The following FAM216A variants were observed in gnomAD, a reference collection of about 807,000 sequenced individuals.
FAM216A encodes the protein family with sequence similarity 216 member A.
FAM216A carries 26 observed loss-of-function variants against 37.6 expected under a neutral mutation model. That is an observed-to-expected ratio of 0.69 (90% CI 0.51 to 0.96). The LOEUF (loss-of-function observed/expected upper bound fraction) is 0.96, where lower values mean the gene tolerates loss of function less well. Ranked by LOEUF, FAM216A falls within the 40% of genes least tolerant of loss-of-function variation. FAM216A has a pLI of 0.00. For synonymous variants in FAM216A, 110 were observed against 121.7 expected (o/e 0.90, Z 0.64); for missense variants, 326 against 339.3 (o/e 0.96, Z 0.31).
At chr12:110,474,565 G>T (rs574707603) in intron 2 of FAM216A, among the ~76,000 whole-genome samples, 1 of 150,502 alleles carries the variant, frequency 6.6e-6, no homozygotes, top group Admixed American at 6.7e-5. Flanking sequence ...GGTGGTGCAC[G>T]TCCGTAGTCC....
rs149717849 is a variant in FAM216A at position 110,486,242 on chromosome 12, G to A, written c.307-83G>A. 906 of 1,389,710 alleles carry A rather than the reference G, an allele frequency of 6.5e-4. 8 individuals carry two copies. In the East Asian group the frequency reaches 9.4e-3, roughly 14 times the overall value. The allele number at this position is 1,389,710 out of a possible 1,614,324, so 86.1% of individuals were successfully genotyped here. ...AAAATACAGTTGGCACAACTCTCTT[G>A]AACATTCATCTCTTCAGATAAGGAA... On this transcript the variant is annotated intron_variant, in intron 3 of 6. Coordinates refer to ENST00000377673, the MANE Select transcript of FAM216A (RefSeq NM_013300.3).
intron 1 of FAM216A, among the ~76,000 whole-genome samples, chr12:110,471,143 G>A (rs2062685054): frequency 1.3e-5 from 2 of 151,930 alleles, no homozygotes; most frequent in East Asian, 1.9e-4. Context: ...CACCCAGGCT[G>A]GAGTGCAGTG....
In FAM216A at chr12:110,490,016, C is replaced by G; in HGVS notation, c.704-3C>G. The G allele has an allele frequency of 8.0e-7, 1 of 1,252,092 alleles. No homozygotes were observed. The highest frequency in any genetic ancestry group is 1.2e-5 in the South Asian group (1 of 82,942). The allele number at this position is 1,252,092 out of a possible 1,614,324, so 77.6% of individuals were successfully genotyped here. A position where few individuals can be genotyped will look rare whatever the true frequency, so the allele number is the denominator to read the frequency against. ...CAATTGTAAATTCTTATTTTTCCTT[C>G]AGTTTCTTCAGATGATTCTGAATCA... On this transcript the variant is annotated splice_region_variant and splice_polypyrimidine_tract_variant and intron_variant, in intron 6 of 6. Coordinates refer to ENST00000377673, the MANE Select transcript of FAM216A (RefSeq NM_013300.3).
In FAM216A at chr12:110,487,955, A is replaced by C; in HGVS notation, c.703+12A>C. The C allele has an allele frequency of 6.8e-7, 1 of 1,480,516 alleles. No homozygotes were observed. The highest frequency in any genetic ancestry group is 2.3e-5 in the East Asian group (1 of 44,160). The allele number at this position is 1,480,516 out of a possible 1,614,324, so 91.7% of individuals were successfully genotyped here. ...GTTCATGCAAACAGGTAAATGTGGA[A>C]ATTTAACAATATTCATTTTTTAAGA... On this transcript the variant is annotated intron_variant, in intron 6 of 6. Coordinates refer to ENST00000377673, the MANE Select transcript of FAM216A (RefSeq NM_013300.3).
intron 5 of FAM216A, 160 bp downstream of exon 5, chr12:110,486,877 T>C (rs2062779943): frequency 1.6e-6 from 1 of 643,958 alleles, no homozygotes; most frequent in South Asian, 2.1e-5. Flanking sequence ...TGCCTCAGAC[T>C]CCCAAGTAGC....
chr12:110,487,011 G>GT (rs1195363957), intron 5 of FAM216A: 1 of 306,030 alleles, frequency 3.3e-6, no homozygotes, highest in African/African-American at 2.2e-5. Flanking sequence ...GATTACAGGC[G>GT]TGAGCTACTG....
At chr12:110,470,759 T>C (rs1352563781) in intron 1 of FAM216A, among the ~76,000 whole-genome samples, 5 of 152,098 alleles carry the variant, frequency 3.3e-5, no homozygotes, top group African/African-American at 1.2e-4. Flanking sequence ...GTCCTTTCCT[T>C]TTATCTCCGC....
chr12:110,486,885 AGC>A lies in FAM216A; in HGVS notation c.620+169_620+170del, dbSNP rs1176749768. On this transcript the variant is annotated intron_variant, in intron 5 of 6. Transcript: ENST00000377673. ...ATGCTCCTGCCTCAGACTCCCAAGTAGCTAGGGCTAAAGGCACAAACCACCAT... is the reference window on the plus strand; with the variant it reads ...ATGCTCCTGCCTCAGACTCCCAAGTATAGGGCTAAAGGCACAAACCACCAT... 14 of 620,200 alleles carry A rather than the reference AGC, an allele frequency of 2.3e-5. No homozygotes were observed. The African/African-American group carries it at 2.6e-4, about 12-fold the overall frequency. 38.4% of individuals were successfully genotyped at this position (620,200 alleles called of 1,614,324 possible).
rs541934479 is a variant in FAM216A at position 110,481,528 on chromosome 12, G to GT, written c.185-3535dup. Among the ~76,000 whole-genome samples the GT allele has an allele frequency of 4.2e-3, 585 of 138,780 alleles. 1 individual carries two copies. Among genetic ancestry groups the GT allele is most frequent in the African/African-American group, 4.9e-3 (186 of 38,152 alleles). 91.0% of individuals were successfully genotyped at this position (138,780 alleles called of 152,430 possible). On this transcript the variant is annotated intron_variant, in intron 2 of 6. Transcript: ENST00000377673. ...CCTGGCTAAGTATTTTGTGTGTGTG[G>GT]TTTTTTTTTTTTTTTAGTAGAGACG...
intron 2 of FAM216A, among the ~76,000 whole-genome samples, chr12:110,481,601 G>A (rs553924175): frequency 1.3e-4 from 19 of 151,740 alleles, no homozygotes; most frequent in African/African-American, 4.1e-4. Flanking sequence ...AACCTCAGGT[G>A]ATCTGCCTGC....
intron 1 of FAM216A, among the ~76,000 whole-genome samples, chr12:110,470,443 T>C (rs2062678589): frequency 6.6e-6 from 1 of 151,486 alleles, no homozygotes; most frequent in African/African-American, 2.4e-5. Flanking sequence ...CTTGGCCGAC[T>C]GCAGGATCCT....
intron 6 of FAM216A, 92 bp downstream of exon 6, chr12:110,488,035 T>C (rs2062786644): frequency 1.3e-6 from 1 of 746,374 alleles, no homozygotes; most frequent in Non-Finnish European, 2.2e-6. Flanking sequence ...TATGAAGATA[T>C]TAACAAATTT....
At chr12:110,478,147 A>T (rs1033225349) in intron 2 of FAM216A, among the ~76,000 whole-genome samples, 2 of 152,216 alleles carry the variant, frequency 1.3e-5, no homozygotes, top group African/African-American at 4.8e-5. Context: ...ACCATTGAAT[A>T]GGTTAAATAC....
intron 5 of FAM216A, 108 bp downstream of exon 5, chr12:110,486,825 A>G: frequency 6.1e-6 from 6 of 985,940 alleles, no homozygotes; most frequent in Non-Finnish European, 8.9e-6. Flanking sequence ...GGTGTGATAC[A>G]GTTTACTGTA....
Position 110,487,899 on chromosome 12 carries a change from C to A in FAM216A, c.659C>A (p.Ser220Ter). 1 of 1,607,034 alleles carries A rather than the reference C, an allele frequency of 6.2e-7. No homozygotes were observed. The highest frequency in any genetic ancestry group is 1.1e-5 in the South Asian group (1 of 90,390). ...TATGCATCTAAAACAAGATGTAAGT[C>A]ACTGAAGATTTTTAGAAGACCAAGG... The part of the protein sequence containing the change: ...TGYASKTRCK[S>*]LKIFRRPRKL... Residue 220 changes from serine (S) to a stop codon, truncating the protein, a stop_gained, in exon 6 of 7, where the codon TCA (serine) becomes TAA (stop). Transcript: ENST00000377673. LOFTEE classifies it high-confidence loss of function.
In FAM216A at chr12:110,483,854, T is replaced by C. The variant is rs1426129218; in HGVS notation, c.185-1224T>C. On this transcript the variant is annotated intron_variant, in intron 2 of 6. Transcript: ENST00000377673. The stretch of plus-strand genomic sequence containing the variant: ...AATCAACAACAAAAAATGAAATAAC[T>C]GAAACTATGTAAAAATAAATTTTGA... Among the ~76,000 whole-genome samples the C allele has an allele frequency of 1.3e-4, 20 of 152,096 alleles. No homozygotes were observed. The South Asian group carries it at 4.2e-3, about 32-fold the overall frequency.
intron 3 of FAM216A, 93 bp downstream of exon 3, chr12:110,485,292 TGCAGATGACAAG>T: frequency 8.8e-7 from 1 of 1,131,098 alleles, no homozygotes; most frequent in Non-Finnish European, 1.3e-6. Flanking sequence ...GGTGAGATAC[TGCAGATGACAAG>T]GCATATGCAG....
At chr12:110,475,721 CAAAAAAAAA>C (rs112122723) in intron 2 of FAM216A, among the ~76,000 whole-genome samples, 1 of 96,996 alleles carries the variant, frequency 1.0e-5, no homozygotes, top group African/African-American at 3.4e-5. Flanking sequence ...TCACCCCTGG[CAAAAAAAAA>C]AAAAAAAAAG....
Position 110,485,134 on chromosome 12 carries a change from T to C in FAM216A, c.241T>C (p.Trp81Arg), listed in dbSNP as rs759101296. 187 of 1,613,074 alleles carry C rather than the reference T, an allele frequency of 1.2e-4. 1 individual carries two copies. The South Asian group carries it at 1.7e-3, about 15-fold the overall frequency. The change falls in exon 3 of 7, where the codon TGG (tryptophan) becomes CGG (arginine). Residue 81 changes from tryptophan (W) to arginine (R), a missense_variant. Trp to Arg is a moderately radical substitution (Grantham distance 101, BLOSUM62 -3). Transcript: ENST00000377673. ...NSHIAKLQEL[W>R]KTPQNQTIHL... ...ACACATAGCTAAGCTGCAAGAGTTATGGAAAACTCCCCAAAATCAAACAAT... is the reference window on the plus strand; with the variant it reads ...ACACATAGCTAAGCTGCAAGAGTTACGGAAAACTCCCCAAAATCAAACAAT...
Sources: gnomAD v4.1 joint callset for allele counts (sites outside exome capture counted in the v4.1 genomes callset) on GRCh38, gnomAD v4.1.1 for gene constraint, MANE v1.5 for transcripts, NCBI Gene and HGNC (gene_info 2026-07-23, HGNC 2026-07-21) for gene names.